Variants in MARCHF1 observed in about 807,000 individuals in gnomAD.
MARCHF1 encodes the protein membrane associated ring-CH-type finger 1, also known as E3 ubiquitin-protein ligase MARCHF1.
A neutral mutation model predicts 54.2 loss-of-function variants in MARCHF1; 40 were observed. The observed-to-expected ratio is 0.74, with a 90% CI of 0.57 to 0.96. MARCHF1 has a LOEUF of 0.96. Ranked by LOEUF, MARCHF1 falls within the 40% of genes least tolerant of loss-of-function variation. MARCHF1 has a pLI of 0.00. For missense variants in MARCHF1, 586 were observed against 656.5 expected, an observed-to-expected ratio of 0.89 and a Z score of 1.17; for synonymous variants, 236 against 236.3, an observed-to-expected ratio of 1.00 and a Z score of 0.01.
chr4:163,727,653 A>G (rs1745702727), intron 4 of MARCHF1, among the ~76,000 whole-genome samples: 1 of 149,612 alleles, frequency 6.7e-6, no homozygotes, highest in Non-Finnish European at 1.5e-5. Context: ...TTATGCTTGC[A>G]CCATTTGTTG....
chr4:163,748,418 A>C (rs1579253634), intron 4 of MARCHF1, among the ~76,000 whole-genome samples: 2 of 152,144 alleles, frequency 1.3e-5, no homozygotes, highest in South Asian at 4.2e-4. Context: ...AAAAAAAAAA[A>C]AAAAAGATCC....
intron 1 of MARCHF1, among the ~76,000 whole-genome samples, chr4:164,128,303 T>A (rs1170793165): frequency 6.6e-6 from 1 of 152,050 alleles, no homozygotes; most frequent in Non-Finnish European, 1.5e-5. Flanking sequence ...ACCTGTATAT[T>A]TAAAATACAG....
At chr4:164,143,710 G>A (rs1729565485) in intron 1 of MARCHF1, among the ~76,000 whole-genome samples, 1 of 152,190 alleles carries the variant, frequency 6.6e-6, no homozygotes, top group African/African-American at 2.4e-5. Flanking sequence ...ACCAGCCGCT[G>A]CAAAATCATG....
chr4:164,340,174 CATCA>C (rs1016515897), intron 1 of MARCHF1, among the ~76,000 whole-genome samples: 9 of 151,530 alleles, frequency 5.9e-5, no homozygotes, highest in African/African-American at 1.9e-4. Flanking sequence ...GAAGAATTAA[CATCA>C]ATCATTCTCC....
rs1746228070 is a variant in MARCHF1 at position 163,742,397 on chromosome 4, C to CCTTCCTTCCTT, written c.112-41535_112-41534insAAGGAAGGAAG. On this transcript the variant is annotated intron_variant, in intron 4 of 9. Coordinates refer to ENST00000514618, the MANE Select transcript of MARCHF1 (RefSeq NM_001394959.1). The stretch of plus-strand genomic sequence containing the variant: ...CTCCCTCGCTACCTCCTTCCTTCCT[C>CCTTCCTTCCTT]CCTTCCTTCCTTCCTTCCTTCCTTC... Among the ~76,000 whole-genome samples the CCTTCCTTCCTT allele has an allele frequency of 4.6e-4, 42 of 91,298 alleles. 1 individual carries two copies. The highest frequency in any genetic ancestry group is 1.4e-3 in the African/African-American group (36 of 25,124). The allele number at this position is 91,298 out of a possible 152,430, so 59.9% of individuals were successfully genotyped here.
chr4:163,943,513 TG>T (rs1751957850), intron 3 of MARCHF1, among the ~76,000 whole-genome samples: 1 of 152,140 alleles, frequency 6.6e-6, no homozygotes, highest in Non-Finnish European at 1.5e-5. Flanking sequence ...GCCTTATTTC[TG>T]GGCTATAGGG....
At chr4:163,889,761 T>G (rs1274907457) in intron 3 of MARCHF1, among the ~76,000 whole-genome samples, 1 of 151,984 alleles carries the variant, frequency 6.6e-6, no homozygotes, top group Non-Finnish European at 1.5e-5. Context: ...AGCTGGTGGC[T>G]CTGACCACTG....
At chr4:164,328,434 A>C (rs1735339571) in intron 1 of MARCHF1, among the ~76,000 whole-genome samples, 1 of 152,232 alleles carries the variant, frequency 6.6e-6, no homozygotes, top group Non-Finnish European at 1.5e-5. Context: ...TTTCGGTGTC[A>C]GTATGTATTT....
intron 1 of MARCHF1, among the ~76,000 whole-genome samples, chr4:164,199,667 CACACACACACACACAGAGAGAGAGAG>C (rs1560950838): frequency 1.6e-5 from 1 of 62,272 alleles, no homozygotes; most frequent in Non-Finnish European, 3.2e-5. Context: ...CACACACACA[CACACACACACACACAGAGAGAGAGAG>C]AGAGAGAGAG....
chr4:164,021,148 C>G (rs144714784), intron 2 of MARCHF1, among the ~76,000 whole-genome samples: 41 of 150,088 alleles, frequency 2.7e-4, no homozygotes, highest in African/African-American at 9.3e-4. Context: ...ATCATCCAGA[C>G]CAGTTGGGAA....
chr4:163,777,907 G>T (rs544078409), intron 4 of MARCHF1, among the ~76,000 whole-genome samples: 1 of 152,208 alleles, frequency 6.6e-6, no homozygotes, highest in East Asian at 1.9e-4. Flanking sequence ...GTTCCCTGGG[G>T]TTTCTTTGCA....
At chr4:163,893,708 T>A (rs1014824423) in intron 3 of MARCHF1, among the ~76,000 whole-genome samples, 7 of 152,218 alleles carry the variant, frequency 4.6e-5, no homozygotes, top group Non-Finnish European at 8.8e-5. Flanking sequence ...GACACATAGA[T>A]GAAGCTTAAA....
At chr4:163,862,044 T>G (rs28837200) in intron 3 of MARCHF1, among the ~76,000 whole-genome samples, 1 of 152,076 alleles carries the variant, frequency 6.6e-6, no homozygotes, top group Non-Finnish European at 1.5e-5. Context: ...ACAGATCTTA[T>G]ACTTTTCACA....
At chr4:164,150,552 G>T (rs1729906054) in intron 1 of MARCHF1, among the ~76,000 whole-genome samples, 1 of 152,104 alleles carries the variant, frequency 6.6e-6, no homozygotes, top group African/African-American at 2.4e-5. Flanking sequence ...TACTCTGGTG[G>T]TCTTGAGCTT....
chr4:164,265,725 A>G (rs1176345691), intron 1 of MARCHF1, among the ~76,000 whole-genome samples: 1 of 151,842 alleles, frequency 6.6e-6, no homozygotes, highest in African/African-American at 2.4e-5. Context: ...CCACTCTGAC[A>G]TTTTTTAGTT....
intron 1 of MARCHF1, chr4:164,383,629 C>A (rs1003340334): frequency 6.6e-6 from 1 of 152,302 alleles, no homozygotes; most frequent in Non-Finnish European, 1.5e-5. Flanking sequence ...CGCCTCCTCT[C>A]ACCAGAGAGG....
chr4:163,994,564 TATAATA>T (rs1192146308), intron 2 of MARCHF1, among the ~76,000 whole-genome samples: 2 of 151,818 alleles, frequency 1.3e-5, no homozygotes, highest in Non-Finnish European at 2.9e-5. Context: ...AAACTTAAAG[TATAATA>T]ATAATAACAT....
chr4:164,257,456 CA>C, intron 1 of MARCHF1, among the ~76,000 whole-genome samples: 1 of 150,488 alleles, frequency 6.6e-6, no homozygotes, highest in Non-Finnish European at 1.5e-5. Flanking sequence ...GATAAATCGT[CA>C]GTTTTGTTTC....
rs70952617 is a variant in MARCHF1, at chr4:164,274,659, CTTTTTTTTTTTT to C, written c.-323+109199_-323+109210del. ...CGCTTGATGTGTGCTTCAGGGTACA[CTTTTTTTTTTTT>C]TTTTTTTTTTTTTTTTTTTTTTTTA... On this transcript the variant is annotated intron_variant, in intron 1 of 9. Coordinates refer to ENST00000514618, the MANE Select transcript of MARCHF1 (RefSeq NM_001394959.1). Among the ~76,000 whole-genome samples, 50 of 44,658 alleles carry C rather than the reference CTTTTTTTTTTTT, an allele frequency of 1.1e-3. 2 individuals carry two copies. Among genetic ancestry groups the C allele is most frequent in the South Asian group, 7.5e-3 (10 of 1,326 alleles). The allele number at this position is 44,658 out of a possible 152,430, so 29.3% of individuals were successfully genotyped here. A position where few individuals can be genotyped will look rare whatever the true frequency, so the allele number is the denominator to read the frequency against.
Sources: gnomAD v4.1 joint callset for allele counts (sites outside exome capture counted in the v4.1 genomes callset) on GRCh38, gnomAD v4.1.1 for gene constraint, MANE v1.5 for transcripts, NCBI Gene and HGNC (gene_info 2026-07-23, HGNC 2026-07-21) for gene names.